The following ATG3 variants were observed in gnomAD, a reference collection of about 807,000 sequenced individuals.
ATG3 encodes autophagy related 3, also known as ubiquitin-like-conjugating enzyme ATG3.
Under a neutral mutation model 50.7 loss-of-function variants are expected in ATG3, and 25 were observed. The ratio of observed to expected loss-of-function variants is 0.49; its 90% CI spans 0.36 to 0.69. The LOEUF is 0.69. Among genes scored for constraint, ATG3 ranks in the 30% least tolerant of loss-of-function variants. ATG3 has a pLI of 0.00. For missense variants in ATG3, 281 were observed against 376.0 expected (o/e 0.75, Z 2.09); for synonymous variants, 119 against 125.5 (o/e 0.95, Z 0.34).
At chr3:112,550,097 C>A in intron 4 of ATG3, 95 bp downstream of exon 4, 2 of 869,540 alleles carry the variant, frequency 2.3e-6, no homozygotes, top group East Asian at 2.7e-5. Flanking sequence ...GGTGATAAAA[C>A]TAAGGAAAAA....
intron 5 of ATG3, 55 bp downstream of exon 5, chr3:112,548,478 G>T: frequency 1.4e-6 from 2 of 1,392,882 alleles, no homozygotes; most frequent in Non-Finnish European, 2.0e-6. Flanking sequence ...TATTATAAAA[G>T]ATTGTGAAAG....
intron 3 of ATG3, among the ~76,000 whole-genome samples, chr3:112,551,598 A>G (rs1474425637): frequency 1.3e-5 from 2 of 152,206 alleles, no homozygotes; most frequent in Admixed American, 1.3e-4. Context: ...AGCCCCTACA[A>G]CAATGCTATA....
chr3:112,542,204 T>C (rs773415470), intron 6 of ATG3, among the ~76,000 whole-genome samples: 1 of 152,082 alleles, frequency 6.6e-6, no homozygotes, highest in Non-Finnish European at 1.5e-5. Context: ...TATTAGAAAA[T>C]CAGTTCAAAA....
chr3:112,536,351 G>C, intron 10 of ATG3, 124 bp downstream of exon 10: 1 of 1,171,610 alleles, frequency 8.5e-7, no homozygotes. Context: ...GGACAAGAGA[G>C]AATTTTACTT....
intron 9 of ATG3, among the ~76,000 whole-genome samples, chr3:112,536,920 C>CAAAAAAAAAAA (rs56353465): frequency 1.5e-5 from 1 of 68,404 alleles, no homozygotes; most frequent in African/African-American, 6.3e-5. Flanking sequence ...GACTCCATCT[C>CAAAAAAAAAAA]AAAAAAAAAA....
At chr3:112,549,913 A>ATTTCAT (rs1235876821) in intron 4 of ATG3, among the ~76,000 whole-genome samples, 2 of 152,138 alleles carry the variant, frequency 1.3e-5, no homozygotes, top group African/African-American at 4.8e-5. Context: ...GGTAGTATGA[A>ATTTCAT]TTTCATTTGC....
At chr3:112,533,681 G>C in intron 11 of ATG3, 2 of 985,280 alleles carry the variant, frequency 2.0e-6, no homozygotes, top group Non-Finnish European at 2.4e-6. Context: ...TCTATGCTAT[G>C]AGTACATGTA....
At chr3:112,549,798 CA>C (rs71631400) in intron 4 of ATG3, among the ~76,000 whole-genome samples, 2,462 of 116,802 alleles carry the variant, frequency 0.021, 64 homozygotes, top group African/African-American at 0.084. Flanking sequence ...TCAAAACAAC[CA>C]AAAAAAAAAA....
chr3:112,560,327 T>A (rs930762209), intron 1 of ATG3, among the ~76,000 whole-genome samples: 5 of 152,224 alleles, frequency 3.3e-5, no homozygotes, highest in African/African-American at 1.2e-4. Context: ...AAAATGACTT[T>A]CACAGTAAAC....
chr3:112,538,083 T>C (rs1933122371), intron 8 of ATG3, 63 bp downstream of exon 8: 1 of 1,314,518 alleles, frequency 7.6e-7, no homozygotes, highest in African/African-American at 1.5e-5. Flanking sequence ...ATATTATTAG[T>C]AAGAACATGC....
chr3:112,537,108 G>T (rs2107368671), intron 9 of ATG3, among the ~76,000 whole-genome samples: 1 of 152,018 alleles, frequency 6.6e-6, no homozygotes, highest in South Asian at 2.1e-4. Flanking sequence ...TCAAGGGAGG[G>T]ACAGGAAGGA....
At position 112,561,722 on chromosome 3, in the gene ATG3, A is replaced by T; in HGVS notation, c.-194T>A. 1.7e-6 allele frequency: 1 copy of T among 590,190 alleles called. No homozygotes were observed. Among genetic ancestry groups the T allele is most frequent in the Non-Finnish European group, 2.9e-6 (1 of 347,604 alleles). The allele number at this position is 590,190 out of a possible 1,614,324, so 36.6% of individuals were successfully genotyped here. On this transcript the variant is annotated 5_prime_UTR_variant, in exon 1 of 12. Transcript: ENST00000283290. ...GGGGCGGCAGGCACAGCGCGCGAAG[A>T]CGGGGTGCGCGATCCTCGCACCCCA...
chr3:112,554,713 A>C (rs1933615923), intron 2 of ATG3, among the ~76,000 whole-genome samples: 1 of 152,254 alleles, frequency 6.6e-6, no homozygotes, highest in Non-Finnish European at 1.5e-5. Flanking sequence ...ACAGCAAAAA[A>C]TTACAAAATA....
At chr3:112,533,616 A>G in intron 11 of ATG3, 1 of 985,372 alleles carries the variant, frequency 1.0e-6, no homozygotes, top group Non-Finnish European at 1.2e-6. Context: ...CCTAGCATCA[A>G]ACTAATTCAA....
chr3:112,557,829 AT>A (rs1236956236), intron 2 of ATG3, among the ~76,000 whole-genome samples: 3 of 151,260 alleles, frequency 2.0e-5, no homozygotes. Flanking sequence ...AAAAAAAAAA[AT>A]TCAAGCTTAA....
intron 2 of ATG3, among the ~76,000 whole-genome samples, chr3:112,556,208 G>C (rs1933671097): frequency 6.6e-6 from 1 of 152,250 alleles, no homozygotes; most frequent in South Asian, 2.1e-4. Flanking sequence ...TTATAGATGA[G>C]GAAACATGAA....
intron 6 of ATG3, among the ~76,000 whole-genome samples, chr3:112,542,931 A>T (rs1288014803): frequency 6.6e-6 from 1 of 152,082 alleles, no homozygotes; most frequent in Non-Finnish European, 1.5e-5. Context: ...AAAACAGCAA[A>T]GCAATTTGTG....
chr3:112,536,713 A>G, intron 9 of ATG3, 111 bp from the exon 10 acceptor site: 19 of 1,101,572 alleles, frequency 1.7e-5, no homozygotes, highest in Non-Finnish European at 2.5e-5. Flanking sequence ...CATGGTCAGG[A>G]GATCGAGACC....
intron 5 of ATG3, among the ~76,000 whole-genome samples, chr3:112,546,892 G>C (rs1559845802): frequency 1.3e-5 from 2 of 152,180 alleles, no homozygotes; most frequent in Non-Finnish European, 2.9e-5. Context: ...TTTTCAATCT[G>C]TTATTTCCTT....
Sources: allele counts gnomAD v4.1 joint callset (sites outside exome capture counted in the v4.1 genomes callset), GRCh38; gene constraint gnomAD v4.1.1; transcripts MANE v1.5; gene names NCBI Gene and HGNC (gene_info 2026-07-23, HGNC 2026-07-21).